PLCE1: variants seen among roughly 807,000 people sequenced by gnomAD.
PLCE1 encodes 1-phosphatidylinositol 4,5-bisphosphate phosphodiesterase epsilon-1.
A neutral mutation model predicts 242.8 loss-of-function variants in PLCE1; 119 were observed. The ratio of observed to expected loss-of-function variants is 0.49; its 90% CI spans 0.42 to 0.57. The LOEUF (loss-of-function observed/expected upper bound fraction) is 0.57. Among genes scored for constraint, PLCE1 ranks in the 20% least tolerant of loss-of-function variants. The probability of loss-of-function intolerance (pLI) is 0.00; values close to 1 mark genes in which losing one functional copy is unlikely to be tolerated. For synonymous variants in PLCE1, 945 were observed against 1,017.4 expected (o/e 0.93, Z 1.35); for missense variants, 2,441 against 2,788.8 (o/e 0.88, Z 2.81).
rs576952321 is a variant in PLCE1 at position 94,178,461 on chromosome 10, C to G, written c.1809+6965C>G. Among the ~76,000 whole-genome samples, 24 of 152,312 alleles carry G rather than the reference C, an allele frequency of 1.6e-4. No individual in the cohort carries two copies. In the South Asian group the frequency reaches 1.9e-3, roughly 12 times the overall value. On this transcript the variant is annotated intron_variant, in intron 4 of 32. Coordinates refer to ENST00000371380, the MANE Select transcript of PLCE1 (RefSeq NM_016341.4). Reference sequence around the variant, plus strand: ...AACCTGAGCATTCATCAGCTAGCTTCCCTGAGCCATGCAATCTTGGGCAGC... The same window carrying G: ...AACCTGAGCATTCATCAGCTAGCTTGCCTGAGCCATGCAATCTTGGGCAGC...
intron 4 of PLCE1, among the ~76,000 whole-genome samples, chr10:94,189,195 T>G (rs1017233827): frequency 6.7e-6 from 1 of 150,068 alleles, no homozygotes; most frequent in Non-Finnish European, 1.5e-5. Flanking sequence ...TTCCTAATCT[T>G]TCTCCAATTT....
intron 27 of PLCE1, among the ~76,000 whole-genome samples, chr10:94,311,174 G>A (rs76351698): frequency 0.028 from 4,312 of 152,190 alleles, 68 homozygotes; most frequent in African/African-American, 0.047. Context: ...GGAAGCTCTC[G>A]GAACCCCATC....
intron 19 of PLCE1, among the ~76,000 whole-genome samples, chr10:94,277,481 A>G (rs1380528743): frequency 1.3e-5 from 2 of 151,910 alleles, no homozygotes; most frequent in African/African-American, 2.4e-5. Context: ...TACCTCTCCC[A>G]TGCTTCTCCT....
At chr10:94,030,210 G>A (rs2061529756) in intron 1 of PLCE1, among the ~76,000 whole-genome samples, 1 of 152,070 alleles carries the variant, frequency 6.6e-6, no homozygotes, top group African/African-American at 2.4e-5. Flanking sequence ...TTTGCTTAAT[G>A]TGCCTTATTT....
At position 94,324,495 on chromosome 10, in the gene PLCE1, G is replaced by C; in HGVS notation, c.6648G>C (p.Glu2216Asp). The change falls in exon 31 of 33, where the codon GAG becomes GAC. Residue 2216 changes from glutamate (E) to aspartate (D), a missense_variant. Physicochemically the swap from Glu to Asp is conservative, Grantham distance 45 (BLOSUM62 2). This residue lies in a region of PLCE1 where 310 missense variants were observed against 317.2 expected (regional missense o/e 0.98). Coordinates refer to ENST00000371380, the MANE Select transcript of PLCE1 (RefSeq NM_016341.4). Reference sequence around the variant, plus strand: ...CTCAGCGGGTCCTTCTGGATCAGGAGTGTGTGTTTCAAGCCCAAAGCAAGT... The same window carrying C: ...CTCAGCGGGTCCTTCTGGATCAGGACTGTGTGTTTCAAGCCCAAAGCAAGT... ...KSSQRVLLDQ[E>D]CVFQAQSKWK... 2 of 1,614,180 alleles carry C rather than the reference G, an allele frequency of 1.2e-6. No individual in the cohort carries two copies. The highest frequency in any genetic ancestry group is 2.2e-5 in the South Asian group (2 of 91,080).
chr10:94,260,274 C>G (rs1049229935), intron 13 of PLCE1, among the ~76,000 whole-genome samples: 3 of 152,136 alleles, frequency 2.0e-5, no homozygotes, highest in Non-Finnish European at 4.4e-5. Context: ...GAATGATTGT[C>G]CAGGATATAT....
intron 2 of PLCE1, chr10:94,099,763 T>C (rs966978263): frequency 1.3e-5 from 2 of 152,204 alleles, no homozygotes; most frequent in Non-Finnish European, 2.9e-5. Flanking sequence ...TTAACTTGCA[T>C]TGAGGCCCTT....
At chr10:94,003,780 A>G (rs11187763) in intron 1 of PLCE1, among the ~76,000 whole-genome samples, 4,612 of 152,232 alleles carry the variant, frequency 0.03, 242 homozygotes, top group African/African-American at 0.1. Context: ...GTGCTCTTGT[A>G]AGAAGTTTTG....
At chr10:94,171,121 T>C in intron 3 of PLCE1, 59 bp from the exon 4 acceptor site, 2 of 1,328,840 alleles carry the variant, frequency 1.5e-6, no homozygotes, top group East Asian at 4.6e-5. Flanking sequence ...CTCAAGTAAA[T>C]ATCTGTTGCA....
At chr10:94,302,017 T>A (rs148759195) in intron 24 of PLCE1, among the ~76,000 whole-genome samples, 1 of 152,362 alleles carries the variant, frequency 6.6e-6, no homozygotes, top group African/African-American at 2.4e-5. Flanking sequence ...TCTATCATTA[T>A]GTGCATTGTT....
intron 8 of PLCE1, among the ~76,000 whole-genome samples, chr10:94,249,436 A>T (rs551761141): frequency 2.0e-5 from 3 of 151,804 alleles, no homozygotes; most frequent in African/African-American, 7.2e-5. Flanking sequence ...AAAAAAAAAA[A>T]CTATTTAAAT....
chr10:94,051,691 T>C (rs2043771289), intron 2 of PLCE1, among the ~76,000 whole-genome samples: 1 of 152,228 alleles, frequency 6.6e-6, no homozygotes, highest in South Asian at 2.1e-4. Context: ...GCGCTGGAAC[T>C]GAATACAGTC....
At chr10:94,176,790 T>C (rs529834206) in intron 4 of PLCE1, among the ~76,000 whole-genome samples, 5 of 152,242 alleles carry the variant, frequency 3.3e-5, no homozygotes, top group African/African-American at 1.2e-4. Context: ...CTATGAGACA[T>C]GGACACAAAT....
chr10:94,322,265 G>GC (rs1475349678), intron 30 of PLCE1, among the ~76,000 whole-genome samples: 2 of 151,736 alleles, frequency 1.3e-5, no homozygotes, highest in Non-Finnish European at 2.9e-5. Flanking sequence ...GAGGCAGGAG[G>GC]ATTACTTGAG....
intron 2 of PLCE1, among the ~76,000 whole-genome samples, chr10:94,073,302 G>A (rs1302963330): frequency 6.6e-6 from 1 of 152,040 alleles, no homozygotes; most frequent in Non-Finnish European, 1.5e-5. Context: ...CCTTTTCCAT[G>A]AGCAAACATG....
At chr10:94,118,575 T>C (rs953057390) in intron 2 of PLCE1, among the ~76,000 whole-genome samples, 5 of 152,194 alleles carry the variant, frequency 3.3e-5, no homozygotes, top group African/African-American at 4.8e-5. Context: ...CTGATGGTTT[T>C]AAAAATGGGA....
chr10:94,133,831 A>G (rs1486421084), intron 3 of PLCE1, among the ~76,000 whole-genome samples: 8 of 152,144 alleles, frequency 5.3e-5, no homozygotes, highest in Admixed American at 5.2e-4. Context: ...AAAAGGAACA[A>G]AACATAATTC....
chr10:94,040,648 A>G (rs2061748428), intron 2 of PLCE1, among the ~76,000 whole-genome samples: 2 of 152,192 alleles, frequency 1.3e-5, no homozygotes, highest in Non-Finnish European at 2.9e-5. Flanking sequence ...AGTGCTGGGC[A>G]GCTCCCTTGT....
chr10:94,159,406 G>GT (rs1454658280), intron 3 of PLCE1, among the ~76,000 whole-genome samples: 1 of 152,138 alleles, frequency 6.6e-6, no homozygotes, highest in Non-Finnish European at 1.5e-5. Context: ...TGAGATTCAT[G>GT]TATTTAAGTC....
Sources: gnomAD v4.1 joint callset for allele counts (sites outside exome capture counted in the v4.1 genomes callset) on GRCh38, gnomAD v4.1.1 for gene constraint, gnomAD v4.1.1 regional missense constraint, MANE v1.5 for transcripts, NCBI Gene and HGNC (gene_info 2026-07-23, HGNC 2026-07-21) for gene names.